The following MGARP variants were observed in gnomAD, a reference collection of about 807,000 sequenced individuals.
MGARP encodes the protein mitochondria localized glutamic acid rich protein, also known as protein MGARP.
MGARP carries 12 observed loss-of-function variants against 11.0 expected under a neutral mutation model. The observed-to-expected ratio is 1.09, with a 90% CI of 0.70 to 1.77. The LOEUF (loss-of-function observed/expected upper bound fraction) is 1.77, where lower values mean the gene tolerates loss of function less well. Among genes scored for constraint, MGARP ranks in the 40% most tolerant of loss-of-function variants. The pLI, the probability that MGARP is intolerant of heterozygous loss-of-function variation, is 0.00. For missense variants in MGARP, 283 were observed against 297.8 expected, an observed-to-expected ratio of 0.95 and a Z score of 0.36; for synonymous variants, 110 against 115.4, an observed-to-expected ratio of 0.95 and a Z score of 0.30.
rs1041169463 is a variant in MGARP at position 139,271,959 on chromosome 4, C to T, written c.187-3194G>A. 2.6e-5 allele frequency among the ~76,000 whole-genome samples: 4 copies of T among 152,044 alleles called. No individual in the cohort carries two copies. In the East Asian group the frequency reaches 7.7e-4, roughly 29 times the overall value. On this transcript the variant is annotated intron_variant, in intron 2 of 3. Transcript: ENST00000398955. ...GCAGTCTGGCAAAGTTTGTTTTTGG[C>T]ACTGGTACATATTAATATAATCAGG...
At chr4:139,267,694 T>C (rs1744718024) in intron 3 of MGARP, among the ~76,000 whole-genome samples, 1 of 152,244 alleles carries the variant, frequency 6.6e-6, no homozygotes, top group Non-Finnish European at 1.5e-5. Context: ...TAATATGTAT[T>C]GATGATATTC....
chr4:139,274,479 T>A (rs1744836070), intron 2 of MGARP, among the ~76,000 whole-genome samples: 1 of 152,072 alleles, frequency 6.6e-6, no homozygotes, highest in Non-Finnish European at 1.5e-5. Flanking sequence ...AATAGTTATA[T>A]TAATTTTTTT....
At chr4:139,272,483 C>T (rs1395465887) in intron 2 of MGARP, among the ~76,000 whole-genome samples, 5 of 144,230 alleles carry the variant, frequency 3.5e-5, no homozygotes, top group East Asian at 2.2e-4. Flanking sequence ...GGCGTGAACC[C>T]GGGAGGTGGA....
rs186492536 is a variant in MGARP, at chr4:139,280,001, G to A, written c.82+76C>T. On this transcript the variant is annotated intron_variant, in intron 1 of 3. Coordinates refer to ENST00000398955, the MANE Select transcript of MGARP (RefSeq NM_032623.4). Reference sequence around the variant, plus strand: ...GGTCGGGTTTGGCCAACTGGGTGCCGGCCGGTTCCCTGGCGCGGGCGAAAT... The same window carrying A: ...GGTCGGGTTTGGCCAACTGGGTGCCAGCCGGTTCCCTGGCGCGGGCGAAAT... 2.9e-5 allele frequency: 44 copies of A among 1,520,920 alleles called. No individual in the cohort carries two copies. The East Asian group carries it at 5.6e-4, about 19-fold the overall frequency. The allele number at this position is 1,520,920 out of a possible 1,614,324, so 94.2% of individuals were successfully genotyped here. A position where few individuals can be genotyped will look rare whatever the true frequency, so the allele number is the denominator to read the frequency against.
chr4:139,280,014 G>A, intron 1 of MGARP, 63 bp downstream of exon 1: 1 of 1,569,686 alleles, frequency 6.4e-7, no homozygotes, highest in South Asian at 1.1e-5. Context: ...CGGTTCCCTG[G>A]CGCGGGCGAA....
At chr4:139,269,748 G>T (rs1216331604) in intron 2 of MGARP, among the ~76,000 whole-genome samples, 3 of 151,844 alleles carry the variant, frequency 2.0e-5, no homozygotes, top group Non-Finnish European at 4.4e-5. Flanking sequence ...GTCTTCTTTG[G>T]CCTGTATTCA....
At chr4:139,274,492 A>G (rs1560932487) in intron 2 of MGARP, among the ~76,000 whole-genome samples, 2 of 151,626 alleles carry the variant, frequency 1.3e-5, no homozygotes, top group African/African-American at 4.8e-5. Flanking sequence ...ATTTTTTTAA[A>G]TTTTTTTTGG....
chr4:139,275,188 AT>A (rs1408748607), intron 2 of MGARP, 100 bp downstream of exon 2: 20 of 890,108 alleles, frequency 2.2e-5, no homozygotes, highest in Non-Finnish European at 3.0e-5. Context: ...TATGTTGTAT[AT>A]TTAATTAATC....
intron 2 of MGARP, among the ~76,000 whole-genome samples, chr4:139,271,861 G>A (rs1213963073): frequency 6.6e-6 from 1 of 152,202 alleles, no homozygotes; most frequent in Non-Finnish European, 1.5e-5. Context: ...AGGCCAGAAA[G>A]GGTTCTCAGG....
At chr4:139,273,445 A>T (rs1425435604) in intron 2 of MGARP, among the ~76,000 whole-genome samples, 3 of 147,674 alleles carry the variant, frequency 2.0e-5, no homozygotes, top group African/African-American at 7.5e-5. Context: ...CTGGTCTCAA[A>T]CTCCCGGACT....
chr4:139,272,557 C>A (rs1228991752), intron 2 of MGARP, among the ~76,000 whole-genome samples: 6 of 72,954 alleles, frequency 8.2e-5, no homozygotes, highest in Admixed American at 5.3e-4. Context: ...ACTCTGTCCC[C>A]TCCCAAAAAA....
chr4:139,276,037 A>G (rs1302735842), intron 1 of MGARP, among the ~76,000 whole-genome samples: 6 of 152,232 alleles, frequency 3.9e-5, no homozygotes, highest in African/African-American at 1.4e-4. Flanking sequence ...CTATATTATT[A>G]TATTTAAACA....
Position 139,266,489 on chromosome 4 carries a change from G to A in MGARP, c.*110C>T, listed in dbSNP as rs1744698288. ...CCAAAAATCTTCAAGACCCATTAAC[G>A]TTTTCTAGAAAATAAGTCTTTTTTT... is the stretch of plus-strand genomic sequence containing the variant. On this transcript the variant is annotated 3_prime_UTR_variant, in exon 4 of 4. Transcript: ENST00000398955. 9.1e-7 allele frequency: 1 copy of A among 1,100,588 alleles called. No homozygotes were observed. The highest frequency in any genetic ancestry group is 1.3e-6 in the Non-Finnish European group (1 of 793,264). The allele number at this position is 1,100,588 out of a possible 1,614,324, so 68.2% of individuals were successfully genotyped here. A position where few individuals can be genotyped will look rare whatever the true frequency, so the allele number is the denominator to read the frequency against.
chr4:139,270,608 GAAA>G (rs751695236), intron 2 of MGARP, among the ~76,000 whole-genome samples: 2 of 89,068 alleles, frequency 2.2e-5, no homozygotes, highest in East Asian at 6.7e-4. Flanking sequence ...GACCGCGTCT[GAAA>G]AAAAAAAAAA....
chr4:139,280,138 G>T lies in MGARP; in HGVS notation c.21C>A (p.Val7=), dbSNP rs1400075940. MYLRRA[V]SKTLALPLRA... ...TCAGCGGCAGCGCCAGAGTCTTGGA[G>T]ACCGCCCTGCGGAGATACATCGCGC... The change falls in exon 1 of 4, where the codon GTC becomes GTA. Residue 7 remains valine (V), a synonymous_variant. Coordinates refer to ENST00000398955, the MANE Select transcript of MGARP (RefSeq NM_032623.4). 3 of 1,611,156 alleles carry T rather than the reference G, an allele frequency of 1.9e-6. No individual in the cohort carries two copies. Among genetic ancestry groups the T allele is most frequent in the Non-Finnish European group, 2.5e-6 (3 of 1,179,572 alleles).
rs753703205 is a variant in MGARP at position 139,280,205 on chromosome 4, C to A, written c.-47G>T. On this transcript the variant is annotated 5_prime_UTR_variant, in exon 1 of 4. Transcript: ENST00000398955. Reference sequence around the variant, plus strand: ...AGCAGCCTCGGTACCCAGGCGCAGGCTGCCCTTCCACAGAGAGGCTGAGAG... The same window carrying A: ...AGCAGCCTCGGTACCCAGGCGCAGGATGCCCTTCCACAGAGAGGCTGAGAG... The A allele has an allele frequency of 1.2e-5, 18 of 1,561,916 alleles. No individual in the cohort carries two copies. Among genetic ancestry groups the A allele is most frequent in the Admixed American group, 1.8e-5 (1 of 55,066 alleles).
chr4:139,267,103 C>T, intron 3 of MGARP, 62 bp from the exon 4 acceptor site: 1 of 1,530,712 alleles, frequency 6.5e-7, no homozygotes, highest in Non-Finnish European at 8.9e-7. Flanking sequence ...CAATGAAACA[C>T]TGCGGTCGTT....
chr4:139,268,476 A>T (rs781522506), intron 3 of MGARP, among the ~76,000 whole-genome samples, 196 bp downstream of exon 3: 4 of 152,238 alleles, frequency 2.6e-5, no homozygotes, highest in African/African-American at 4.8e-5. Flanking sequence ...TGTCAAATGC[A>T]TTCATCCAAA....
At chr4:139,270,756 G>A (rs17840386) in intron 2 of MGARP, among the ~76,000 whole-genome samples, 46,193 of 151,832 alleles carry the variant, frequency 0.3, 8,097 homozygotes, top group African/African-American at 0.49. Context: ...TATGATCAAC[G>A]GGAATGATAA....
Sources: allele counts gnomAD v4.1 joint callset (sites outside exome capture counted in the v4.1 genomes callset), GRCh38; gene constraint gnomAD v4.1.1; transcripts MANE v1.5; gene names NCBI Gene and HGNC (gene_info 2026-07-23, HGNC 2026-07-21).